The following CLYBL variants were observed in gnomAD, a reference collection of about 807,000 sequenced individuals.
CLYBL encodes the protein citramalyl-CoA lyase, mitochondrial.
In CLYBL, 31 loss-of-function variants were observed where a neutral mutation model predicts 38.9. The ratio of observed to expected loss-of-function variants is 0.80; its 90% CI spans 0.60 to 1.08. The LOEUF (loss-of-function observed/expected upper bound fraction) is 1.08. Among genes scored for constraint, CLYBL ranks in the 50% least tolerant of loss-of-function variants. The probability of loss-of-function intolerance (pLI) is 0.00; values close to 1 mark genes in which losing one functional copy is unlikely to be tolerated. For synonymous variants in CLYBL, 171 were observed against 158.6 expected (o/e 1.08, Z -0.59); for missense variants, 434 against 411.6 (o/e 1.05, Z -0.47).
In CLYBL at chr13:99,849,903, A is replaced by G. The variant is rs1406825639; in HGVS notation, c.250-8958A>G. ...CCACTGGAGTTTTCTCTTTCCTGGGAATTTCATTGTATTTTGTTGAAAAAT... is the reference window on the plus strand; with the variant it reads ...CCACTGGAGTTTTCTCTTTCCTGGGGATTTCATTGTATTTTGTTGAAAAAT... On this transcript the variant is annotated intron_variant, in intron 2 of 8. Coordinates refer to ENST00000339105, the MANE Select transcript of CLYBL (RefSeq NM_206808.5). The surrounding 1 kb of genome is among the most constrained non-coding windows in gnomAD (Gnocchi z 4.9). Among the ~76,000 whole-genome samples the G allele has an allele frequency of 6.6e-6, 1 of 152,206 alleles. No individual in the cohort carries two copies. The highest frequency in any genetic ancestry group is 1.5e-5 in the Non-Finnish European group (1 of 68,028).
chr13:99,770,386 T>C (rs1046352471), intron 1 of CLYBL, among the ~76,000 whole-genome samples: 134 of 152,154 alleles, frequency 8.8e-4, no homozygotes, highest in African/African-American at 2.2e-3. Context: ...GGCGCAATCT[T>C]GGCTCACTGC....
chr13:99,895,842 G>C (rs1225677299), downstream of CLYBL: 1 of 137,178 alleles, frequency 7.3e-6, no homozygotes, highest in Non-Finnish European at 1.6e-5. Context: ...CCTGCGGGGC[G>C]AGTTCGTTTT....
intron 1 of CLYBL, among the ~76,000 whole-genome samples, chr13:99,769,812 G>A (rs1213776748): frequency 6.6e-6 from 1 of 152,030 alleles, no homozygotes; most frequent in Non-Finnish European, 1.5e-5. Flanking sequence ...AGGTAAGGTC[G>A]GCTACAAGAA....
At chr13:99,644,328 T>TA (rs939680742) in intron 1 of CLYBL, among the ~76,000 whole-genome samples, 7 of 151,432 alleles carry the variant, frequency 4.6e-5, no homozygotes, top group Non-Finnish European at 8.8e-5. Context: ...TGGGTTGCAG[T>TA]AAAAAAAAAT....
chr13:99,769,228 T>C (rs2138774687), intron 1 of CLYBL, among the ~76,000 whole-genome samples: 1 of 152,352 alleles, frequency 6.6e-6, no homozygotes, highest in South Asian at 2.1e-4. Flanking sequence ...GATGGGTAGC[T>C]GCTGCTCTGC....
At chr13:99,737,089 A>G (rs1041202536) in intron 1 of CLYBL, among the ~76,000 whole-genome samples, 4 of 152,178 alleles carry the variant, frequency 2.6e-5, no homozygotes, top group Admixed American at 6.5e-5. Context: ...CCAAATTTAT[A>G]TATAGCTTGT....
chr13:99,847,238 C>G (rs1047120869), intron 2 of CLYBL, among the ~76,000 whole-genome samples: 7 of 152,234 alleles, frequency 4.6e-5, no homozygotes, highest in South Asian at 2.1e-4. Context: ...GAAAGGCTGG[C>G]GGACCCTGCC....
At chr13:99,775,946 A>G (rs61458719) in intron 2 of CLYBL, among the ~76,000 whole-genome samples, 14 of 151,482 alleles carry the variant, frequency 9.2e-5, no homozygotes, top group Non-Finnish European at 1.8e-4. Context: ...GGCAGATCAC[A>G]AGGTCAGGAG....
intron 2 of CLYBL, among the ~76,000 whole-genome samples, chr13:99,826,992 G>C (rs1263295284): frequency 6.6e-6 from 1 of 152,202 alleles, no homozygotes; most frequent in Admixed American, 6.5e-5. Flanking sequence ...CAGGTGCCAA[G>C]ATCACTCAGG....
In CLYBL at chr13:99,800,366, CG is replaced by C. The variant is rs111439253; in HGVS notation, c.249+27357del. Among the ~76,000 whole-genome samples the C allele has an allele frequency of 7.6e-4, 116 of 152,272 alleles. 1 individual carries two copies. The highest frequency in any genetic ancestry group is 2.6e-3 in the African/African-American group (110 of 41,550). On this transcript the variant is annotated intron_variant, in intron 2 of 8. Transcript: ENST00000339105. ...ATTTTACCTGAGGAGGTGAGATTGG[CG>C]CTGCTGCTGCAACCAGTGCCTGGGA...
intron 1 of CLYBL, among the ~76,000 whole-genome samples, chr13:99,659,285 T>A (rs2047375854): frequency 1.3e-5 from 2 of 152,086 alleles, no homozygotes; most frequent in Non-Finnish European, 2.9e-5. Context: ...GAGTGCAATT[T>A]AAAAAACTGT....
At chr13:99,870,799 T>C in intron 6 of CLYBL, 139 bp from the exon 7 acceptor site, 2 of 766,082 alleles carry the variant, frequency 2.6e-6, no homozygotes, top group Admixed American at 6.6e-5. Context: ...TGTTTTGTTT[T>C]GTTTACTCAA....
intron 8 of CLYBL, among the ~76,000 whole-genome samples, chr13:99,904,846 C>T (rs1280090244): frequency 6.6e-6 from 1 of 152,206 alleles, no homozygotes; most frequent in African/African-American, 2.4e-5. Context: ...GCTGCCCTCC[C>T]TGGGGGTCTC....
intron 1 of CLYBL, among the ~76,000 whole-genome samples, chr13:99,660,460 A>C (rs906632567): frequency 6.6e-6 from 1 of 152,182 alleles, no homozygotes; most frequent in Non-Finnish European, 1.5e-5. Flanking sequence ...TGACCTGTTG[A>C]GAACACAATC....
chr13:99,846,185 C>T (rs941682544), intron 2 of CLYBL, among the ~76,000 whole-genome samples: 2 of 151,300 alleles, frequency 1.3e-5, no homozygotes, highest in East Asian at 3.9e-4. Flanking sequence ...ATCTAAAGGA[C>T]TCAGTATATA....
chr13:99,858,118 T>C (rs7982561), intron 2 of CLYBL, among the ~76,000 whole-genome samples: 36,710 of 152,104 alleles, frequency 0.24, 4,827 homozygotes, highest in East Asian at 0.41. Flanking sequence ...TGGTTTCATA[T>C]AGTTTTTCTG....
At chr13:99,791,867 T>G (rs540916200) in intron 2 of CLYBL, among the ~76,000 whole-genome samples, 1 of 152,210 alleles carries the variant, frequency 6.6e-6, no homozygotes, top group African/African-American at 2.4e-5. Context: ...GTCCTGACTC[T>G]CACAGGGTAA....
At chr13:99,613,691 A>G (rs77405959) in intron 1 of CLYBL, among the ~76,000 whole-genome samples, 8,670 of 138,908 alleles carry the variant, frequency 0.062, 868 homozygotes, top group African/African-American at 0.2. Flanking sequence ...CAGGGTAAAC[A>G]TGACTGAGAT....
intron 1 of CLYBL, 75 bp downstream of exon 1, chr13:99,606,832 C>T: frequency 3.8e-6 from 5 of 1,300,144 alleles, no homozygotes; most frequent in Non-Finnish European, 4.9e-6. Flanking sequence ...GCCCCGCGGG[C>T]CGGGCGCGGC....
Sources: allele counts gnomAD v4.1 joint callset (sites outside exome capture counted in the v4.1 genomes callset), GRCh38; gene constraint gnomAD v4.1.1; non-coding constraint Gnocchi (gnomAD v3.1); transcripts MANE v1.5; gene names NCBI Gene and HGNC (gene_info 2026-07-23, HGNC 2026-07-21).